Variants in SLC12A1 observed in about 807,000 individuals in gnomAD.
The protein encoded by SLC12A1 is Na-K-2Cl cotransporter.
A neutral mutation model predicts 130.4 loss-of-function variants in SLC12A1; 89 were observed. The observed-to-expected ratio is 0.68, with a 90% confidence interval of 0.58 to 0.81. SLC12A1 has a LOEUF of 0.81. Among genes scored for constraint, SLC12A1 ranks in the 40% least tolerant of loss-of-function variants. The pLI is 0.00. For missense variants in SLC12A1, 1,310 were observed against 1,336.4 expected (o/e 0.98, Z 0.31); for synonymous variants, 499 against 460.0 (o/e 1.08, Z -1.09).
intron 5 of SLC12A1, 74 bp downstream of exon 5, chr15:48,226,645 G>C: frequency 1.1e-6 from 1 of 892,390 alleles, no homozygotes; most frequent in South Asian, 1.4e-5. Flanking sequence ...ACTTCTTTTT[G>C]ATGGGAACAA....
intron 13 of SLC12A1, among the ~76,000 whole-genome samples, chr15:48,249,122 G>A (rs534773046): frequency 2.6e-5 from 4 of 152,304 alleles, no homozygotes; most frequent in African/African-American, 9.6e-5. Context: ...GAATGACAAA[G>A]AGTCCTGAAA....
chr15:48,249,774 A>T (rs969427910), intron 14 of SLC12A1, 98 bp downstream of exon 14: 65 of 873,902 alleles, frequency 7.4e-5, no homozygotes, highest in Admixed American at 1.9e-5. Context: ...CTGTGTTTAT[A>T]TGTTTCCTTA....
chr15:48,294,414 T>TC (rs1380457324), intron 24 of SLC12A1, among the ~76,000 whole-genome samples: 2 of 151,608 alleles, frequency 1.3e-5, no homozygotes, highest in African/African-American at 4.8e-5. Flanking sequence ...AAAGCTATAA[T>TC]CGACAGTGTT....
At chr15:48,237,296 A>G (rs1012448547) in intron 9 of SLC12A1, 21 of 377,766 alleles carry the variant, frequency 5.6e-5, no homozygotes, top group African/African-American at 3.5e-4. Flanking sequence ...TTTTAAGTGC[A>G]GAGTAGTGTA....
intron 13 of SLC12A1, 67 bp downstream of exon 13, chr15:48,247,527 T>C: frequency 8.0e-7 from 1 of 1,244,254 alleles, no homozygotes; most frequent in Non-Finnish European, 1.1e-6. Context: ...AGGGCTTTCC[T>C]TTTAGTTTGA....
chr15:48,277,935 A>G (rs1468924319), intron 20 of SLC12A1, among the ~76,000 whole-genome samples: 1 of 152,228 alleles, frequency 6.6e-6, no homozygotes. Context: ...ATTAAAAAAT[A>G]AAACAGCGAG....
At chr15:48,229,409 T>C (rs1335146235) in intron 6 of SLC12A1, 81 bp downstream of exon 6, 7 of 1,381,138 alleles carry the variant, frequency 5.1e-6, no homozygotes, top group Non-Finnish European at 7.0e-6. Flanking sequence ...AGGGATATCA[T>C]TACAGCTAAA....
At chr15:48,233,705 A>G (rs1318740081) in intron 8 of SLC12A1, among the ~76,000 whole-genome samples, 2 of 151,990 alleles carry the variant, frequency 1.3e-5, no homozygotes, top group Non-Finnish European at 2.9e-5. Context: ...TTTCTTTTTG[A>G]TATCACATAC....
At chr15:48,289,419 A>AT (rs2042095067) in intron 23 of SLC12A1, among the ~76,000 whole-genome samples, 2 of 134,224 alleles carry the variant, frequency 1.5e-5, no homozygotes, top group Non-Finnish European at 3.1e-5. Flanking sequence ...ATATATATAT[A>AT]TATATATATA....
chr15:48,251,171 TC>T (rs1398528646), intron 14 of SLC12A1, among the ~76,000 whole-genome samples: 1 of 152,104 alleles, frequency 6.6e-6, no homozygotes, highest in African/African-American at 2.4e-5. Context: ...TGATGACTAC[TC>T]CACCTTCTCC....
At position 48,210,212 on chromosome 15, in the gene SLC12A1, A is replaced by T. The variant is rs550091304; in HGVS notation, c.420+2073A>T. On this transcript the variant is annotated intron_variant, in intron 2 of 26. Transcript: ENST00000380993. ...AACAAATTTAGGGCATTATAAAAAG[A>T]TATTTCAATTGTTTCTGAAGAATTA... 2.6e-5 allele frequency among the ~76,000 whole-genome samples: 4 copies of T among 152,316 alleles called. No individual in the cohort carries two copies. In the South Asian group the frequency reaches 6.2e-4, roughly 24 times the overall value.
At chr15:48,217,340 A>G (rs2041135880) in intron 2 of SLC12A1, among the ~76,000 whole-genome samples, 1 of 152,298 alleles carries the variant, frequency 6.6e-6, no homozygotes, top group South Asian at 2.1e-4. Context: ...ATTTTGAATT[A>G]CATACTTGGT....
chr15:48,266,971 G>A (rs2041837858), intron 17 of SLC12A1, among the ~76,000 whole-genome samples: 1 of 152,120 alleles, frequency 6.6e-6, no homozygotes, highest in Non-Finnish European at 1.5e-5. Flanking sequence ...CAAATTCATT[G>A]AATGACAAGG....
Position 48,247,344 on chromosome 15 carries a change from G to A in SLC12A1, c.1568G>A (p.Cys523Tyr). The change falls in exon 13 of 27, where the codon TGC (cysteine) becomes TAC (tyrosine). Residue 523 changes from cysteine (C) to tyrosine (Y), a missense_variant. Cys to Tyr is a radical substitution (Grantham distance 194). Transcript: ENST00000380993. Reference protein sequence around the residue: ...VSAPKVFQALCKDNIYKALQF... With the variant: ...VSAPKVFQALYKDNIYKALQF... ...TCTCTTCTTTTCCATTAGGCTCTGT[G>A]CAAGGACAACATCTACAAAGCCCTG... 6.2e-7 allele frequency: 1 copy of A among 1,612,520 alleles called. No homozygotes were observed. Among genetic ancestry groups the A allele is most frequent in the Non-Finnish European group, 8.5e-7 (1 of 1,179,580 alleles).
intron 9 of SLC12A1, chr15:48,236,837 G>C: frequency 2.1e-6 from 1 of 474,200 alleles, no homozygotes; most frequent in Non-Finnish European, 3.7e-6. Context: ...AGTATCAGAG[G>C]TCACTGATTT....
chr15:48,288,398 A>T lies in SLC12A1; in HGVS notation c.2762-7A>T. The stretch of plus-strand genomic sequence containing the variant: ...CTCATTGTGTCATAATTTATTCTTT[A>T]TTCCAGGGTTAACACTTCTTATCCC... On this transcript the variant is annotated splice_polypyrimidine_tract_variant and splice_region_variant and intron_variant, in intron 22 of 26. Transcript: ENST00000380993. 1 of 1,374,644 alleles carries T rather than the reference A, an allele frequency of 7.3e-7. No individual in the cohort carries two copies. Among genetic ancestry groups the T allele is most frequent in the South Asian group, 1.3e-5 (1 of 78,672 alleles). The allele number at this position is 1,374,644 out of a possible 1,614,324, so 85.2% of individuals were successfully genotyped here.
At chr15:48,251,895 C>T (rs1250551761) in intron 15 of SLC12A1, 125 bp downstream of exon 15, 5 of 794,006 alleles carry the variant, frequency 6.3e-6, no homozygotes, top group Non-Finnish European at 9.9e-6. Context: ...TTAATAATAT[C>T]GTGCAATATA....
chr15:48,223,091 G>A (rs370106685), intron 4 of SLC12A1: 6 of 152,232 alleles, frequency 3.9e-5, no homozygotes, highest in East Asian at 3.9e-4. Flanking sequence ...ACTTACATTC[G>A]GTGTTTCCCT....
chr15:48,290,474 G>A (rs1189967319), intron 23 of SLC12A1, among the ~76,000 whole-genome samples: 1 of 152,200 alleles, frequency 6.6e-6, no homozygotes, highest in African/African-American at 2.4e-5. Context: ...ATTATGTACT[G>A]TACGCAATTG....
Sources: allele counts gnomAD v4.1 joint callset (sites outside exome capture counted in the v4.1 genomes callset), GRCh38; gene constraint gnomAD v4.1.1; transcripts MANE v1.5; gene names NCBI Gene and HGNC (gene_info 2026-07-23, HGNC 2026-07-21).